CCDC138: variants seen among roughly 807,000 people sequenced by gnomAD.
CCDC138 encodes coiled-coil domain containing 138.
CCDC138 carries 66 observed loss-of-function variants against 82.3 expected under a neutral mutation model. The ratio of observed to expected loss-of-function variants is 0.80; its 90% confidence interval spans 0.66 to 0.98. The LOEUF is 0.98. Ranked by LOEUF, CCDC138 falls within the 50% of genes least tolerant of loss-of-function variation. The probability of loss-of-function intolerance (pLI) is 0.00; values close to 1 mark genes in which losing one functional copy is unlikely to be tolerated. For synonymous variants in CCDC138, 297 were observed against 265.4 expected (o/e 1.12, Z -1.16); for missense variants, 816 against 758.9 (o/e 1.08, Z -0.88).
intron 9 of CCDC138, among the ~76,000 whole-genome samples, 159 bp downstream of exon 9, chr2:108,813,086 A>G (rs1181654827): frequency 6.6e-6 from 1 of 151,754 alleles, no homozygotes; most frequent in Non-Finnish European, 1.5e-5. Context: ...CGTTTCTACT[A>G]AAAATACAGA....
intron 9 of CCDC138, among the ~76,000 whole-genome samples, chr2:108,815,475 T>TG (rs1684622494): frequency 2.2e-5 from 3 of 138,690 alleles, no homozygotes; most frequent in African/African-American, 8.5e-5. Flanking sequence ...TTTTTTTTTT[T>TG]TTTTTTTTTG....
intron 13 of CCDC138, among the ~76,000 whole-genome samples, chr2:108,861,461 A>C (rs577459280): frequency 6.7e-6 from 1 of 148,434 alleles, no homozygotes; most frequent in Admixed American, 6.7e-5. Context: ...TTAGCACTAT[A>C]AACTTTCTTC....
At chr2:108,825,556 T>G (rs1246039549) in intron 10 of CCDC138, among the ~76,000 whole-genome samples, 1 of 152,180 alleles carries the variant, frequency 6.6e-6, no homozygotes, top group Non-Finnish European at 1.5e-5. Context: ...ATAAACAGAT[T>G]CGTACAATAC....
intron 6 of CCDC138, 106 bp downstream of exon 6, chr2:108,798,692 T>G: frequency 1.3e-6 from 1 of 751,280 alleles, no homozygotes; most frequent in South Asian, 1.9e-5. Flanking sequence ...CTTCCCTTCC[T>G]CCTCCTCTCC....
At chr2:108,791,601 T>C in intron 3 of CCDC138, 74 bp from the exon 4 acceptor site, 1 of 1,509,102 alleles carries the variant, frequency 6.6e-7, no homozygotes. Context: ...TGTTAATATT[T>C]GAAAAGCAGT....
intron 12 of CCDC138, among the ~76,000 whole-genome samples, chr2:108,851,414 G>A (rs1018618840): frequency 6.6e-6 from 1 of 152,104 alleles, no homozygotes; most frequent in Non-Finnish European, 1.5e-5. Context: ...CAATTCTCCT[G>A]CCTCAGCCTC....
chr2:108,802,594 CT>C (rs1416723715), intron 6 of CCDC138, among the ~76,000 whole-genome samples: 1 of 141,958 alleles, frequency 7.0e-6, no homozygotes, highest in Non-Finnish European at 1.5e-5. Context: ...ATTTGACTTC[CT>C]CTTTTCCTAA....
At chr2:108,868,247 T>C (rs773574137) in intron 13 of CCDC138, among the ~76,000 whole-genome samples, 6 of 152,322 alleles carry the variant, frequency 3.9e-5, no homozygotes, top group East Asian at 3.9e-4. Context: ...TTGTCAGATA[T>C]CATATTAGTA....
chr2:108,821,851 G>A (rs561239026), intron 10 of CCDC138, among the ~76,000 whole-genome samples: 4 of 151,618 alleles, frequency 2.6e-5, no homozygotes, highest in African/African-American at 7.3e-5. Context: ...AGGCTGAGGC[G>A]GGAGAATTGC....
At chr2:108,881,458 T>C (rs1488700917), downstream of CCDC138, among the ~76,000 whole-genome samples, 1 of 152,252 alleles carries the variant, frequency 6.6e-6, no homozygotes, top group African/African-American at 2.4e-5. Context: ...CTGTGTTTTC[T>C]TATCATTTGT....
At chr2:108,820,168 GAGGCCA>G (rs1279468412) in intron 10 of CCDC138, among the ~76,000 whole-genome samples, 2 of 152,180 alleles carry the variant, frequency 1.3e-5, no homozygotes, top group African/African-American at 4.8e-5. Context: ...AGTGCTTTGG[GAGGCCA>G]AGGCAGGAGG....
intron 13 of CCDC138, 47 bp downstream of exon 13, chr2:108,857,017 C>A: frequency 1.4e-6 from 1 of 699,162 alleles, no homozygotes. Flanking sequence ...GATGATTTTT[C>A]TGTCTTTATC....
At chr2:108,860,698 G>A (rs901272350) in intron 13 of CCDC138, among the ~76,000 whole-genome samples, 7 of 151,866 alleles carry the variant, frequency 4.6e-5, no homozygotes, top group East Asian at 1.9e-4. Context: ...ACTAGGTTCC[G>A]TTTGCCAGTA....
chr2:108,846,680 A>G (rs1690536866), intron 11 of CCDC138, 58 bp from the exon 12 acceptor site: 1 of 1,480,454 alleles, frequency 6.8e-7, no homozygotes, highest in Non-Finnish European at 9.2e-7. Context: ...GTGTCTCAAA[A>G]AAAAAGATAT....
At chr2:108,787,819 T>G (rs1411930878) in intron 1 of CCDC138, among the ~76,000 whole-genome samples, 1 of 152,018 alleles carries the variant, frequency 6.6e-6, no homozygotes, top group Non-Finnish European at 1.5e-5. Context: ...GGCAGGAGCA[T>G]GAGATGAGTG....
intron 7 of CCDC138, among the ~76,000 whole-genome samples, chr2:108,807,753 G>A (rs537983677): frequency 6.6e-6 from 1 of 152,182 alleles, no homozygotes; most frequent in African/African-American, 2.4e-5. Flanking sequence ...GAGTATCTGG[G>A]ATTACAGGCG....
At chr2:108,867,479 G>A (rs146586237) in intron 13 of CCDC138, among the ~76,000 whole-genome samples, 72 of 152,274 alleles carry the variant, frequency 4.7e-4, no homozygotes, top group Non-Finnish European at 8.5e-4. Flanking sequence ...TGTTAGTTAC[G>A]AATATGGATT....
At chr2:108,873,101 T>A (rs1695528488) in intron 13 of CCDC138, among the ~76,000 whole-genome samples, 1 of 151,932 alleles carries the variant, frequency 6.6e-6, no homozygotes, top group Non-Finnish European at 1.5e-5. Context: ...ATTTACTACT[T>A]AAGCAGAATT....
rs1695198634 is a variant in CCDC138, at chr2:108,871,306, G to C, written c.1694-2145G>C. ...CCAGCACTTTGGGAGGCTGAGGTGG[G>C]CAGATCTCTTGAGGTCAGGAGTTCA... On this transcript the variant is annotated intron_variant, in intron 13 of 14. Coordinates refer to ENST00000295124, the MANE Select transcript of CCDC138 (RefSeq NM_144978.3). Among the ~76,000 whole-genome samples, 6 of 150,872 alleles carry C rather than the reference G, an allele frequency of 4.0e-5. No homozygotes were observed. The South Asian group carries it at 1.3e-3, about 32-fold the overall frequency.
Sources: gnomAD v4.1 joint callset for allele counts (sites outside exome capture counted in the v4.1 genomes callset) on GRCh38, gnomAD v4.1.1 for gene constraint, MANE v1.5 for transcripts, NCBI Gene and HGNC (gene_info 2026-07-23, HGNC 2026-07-21) for gene names.